UBE2G2: variants seen among roughly 807,000 people sequenced by gnomAD.
The protein encoded by UBE2G2 is ubiquitin-conjugating enzyme E2 G2.
A neutral mutation model predicts 23.0 loss-of-function variants in UBE2G2; 10 were observed. The ratio of observed to expected loss-of-function variants is 0.43; its 90% CI spans 0.27 to 0.74. UBE2G2 has a LOEUF of 0.74. Ranked by LOEUF, UBE2G2 falls within the 30% of genes least tolerant of loss-of-function variation. The pLI is 0.19. For missense variants in UBE2G2, 150 were observed against 218.3 expected, an observed-to-expected ratio of 0.69 and a Z score of 1.97; for synonymous variants, 86 against 81.3, an observed-to-expected ratio of 1.06 and a Z score of -0.31.
chr21:44,777,422 A>G lies in UBE2G2; in HGVS notation c.126-5T>C. The G allele has an allele frequency of 6.2e-7, 1 of 1,613,558 alleles. No individual in the cohort carries two copies. Among genetic ancestry groups the G allele is most frequent in the Non-Finnish European group, 8.5e-7 (1 of 1,179,506 alleles). On this transcript the variant is annotated splice_region_variant and splice_polypyrimidine_tract_variant and intron_variant, in intron 3 of 5. Transcript: ENST00000345496. ...AAGCAGGTGTCTTCTGGGCCCCTAG[A>G]AGATATAAAATACGTAGACTGAACT... is the stretch of plus-strand genomic sequence containing the variant.
chr21:44,777,206 T>C (rs868973034), intron 4 of UBE2G2, 93 bp downstream of exon 4: 11 of 1,050,390 alleles, frequency 1.0e-5, no homozygotes, highest in Middle Eastern at 2.1e-4. Flanking sequence ...ATCTACATCA[T>C]AGACATATAG....
rs984825149 is a variant in UBE2G2, at chr21:44,769,190, G to C, written c.*2187C>G. The C allele has an allele frequency of 6.6e-6, 1 of 152,118 alleles. No individual in the cohort carries two copies. The highest frequency in any genetic ancestry group is 1.5e-5 in the Non-Finnish European group (1 of 68,024). The allele number at this position is 152,118 out of a possible 1,614,324, so 9.4% of individuals were successfully genotyped here. On this transcript the variant is annotated 3_prime_UTR_variant, in exon 6 of 6. Coordinates refer to ENST00000345496, the MANE Select transcript of UBE2G2 (RefSeq NM_003343.6). ...AGAGACTGCCTCTCCTCCCTCTCCC[G>C]ATCTCACAGAAGCCTCCAGGCAATT...
chr21:44,797,631 C>T (rs1384289653), intron 1 of UBE2G2, among the ~76,000 whole-genome samples: 1 of 141,274 alleles, frequency 7.1e-6, no homozygotes, highest in Non-Finnish European at 1.5e-5. Flanking sequence ...AGGAGAATGG[C>T]ATGAACCCGG....
At chr21:44,777,591 T>C (rs1200761114) in intron 3 of UBE2G2, among the ~76,000 whole-genome samples, 174 bp from the exon 4 acceptor site, 1 of 151,942 alleles carries the variant, frequency 6.6e-6, no homozygotes, top group East Asian at 1.9e-4. Flanking sequence ...GCAGATCATC[T>C]GAGGTCAGGA....
chr21:44,794,172 T>A (rs2083067227), intron 1 of UBE2G2, among the ~76,000 whole-genome samples: 2 of 152,206 alleles, frequency 1.3e-5, no homozygotes, highest in South Asian at 2.1e-4. Flanking sequence ...CCCTGCCCTA[T>A]CCTTGATCTT....
chr21:44,773,566 C>A lies in UBE2G2; in HGVS notation c.366G>T (p.Ser122=). 1 of 1,609,842 alleles carries A rather than the reference C, an allele frequency of 6.2e-7. No individual in the cohort carries two copies. Among genetic ancestry groups the A allele is most frequent in the Non-Finnish European group, 8.5e-7 (1 of 1,179,868 alleles). ...CCTTACCTGCCAGCATGCTCACCAC[C>A]GACAGCAGGATCTTCTCCACACTCT... ...PVQSVEKILL[S]VVSMLAEPND... Residue 122 remains serine, a synonymous_variant, in exon 5 of 6, where the codon TCG becomes TCT. Coordinates refer to ENST00000345496, the MANE Select transcript of UBE2G2 (RefSeq NM_003343.6).
rs914301371 is a variant in UBE2G2, at chr21:44,772,087, G to T, written c.386-598C>A. Among the ~76,000 whole-genome samples the T allele has an allele frequency of 6.6e-6, 1 of 152,256 alleles. No individual in the cohort carries two copies. The highest frequency in any genetic ancestry group is 2.4e-5 in the African/African-American group (1 of 41,468). ...AGTAGCCAGGGCCTGCCGGAAGGCAGAACGGAGAGAGACCACCAGAACTGG... is the reference window on the plus strand; with the variant it reads ...AGTAGCCAGGGCCTGCCGGAAGGCATAACGGAGAGAGACCACCAGAACTGG... On this transcript the variant is annotated intron_variant, in intron 5 of 5. Coordinates refer to ENST00000345496, the MANE Select transcript of UBE2G2 (RefSeq NM_003343.6). This position sits in a 1 kb window ranked among gnomAD's most constrained non-coding sequence, Gnocchi z 5.4.
chr21:44,791,734 G>A (rs782291538), intron 1 of UBE2G2, among the ~76,000 whole-genome samples: 1 of 152,204 alleles, frequency 6.6e-6, no homozygotes. Context: ...CTGCCTAGTG[G>A]AGCTGTGAGA....
chr21:44,781,245 G>T (rs2146391039), intron 3 of UBE2G2, among the ~76,000 whole-genome samples: 1 of 152,294 alleles, frequency 6.6e-6, no homozygotes, highest in Non-Finnish European at 1.5e-5. Context: ...CTGCTTCATG[G>T]GCACCCTCCA....
intron 3 of UBE2G2, among the ~76,000 whole-genome samples, chr21:44,784,653 A>G (rs1161062908): frequency 6.6e-6 from 1 of 152,178 alleles, no homozygotes; most frequent in African/African-American, 2.4e-5. Flanking sequence ...ACTGGCCCCC[A>G]GTGTGAGAAG....
At chr21:44,778,952 T>C (rs1601181583) in intron 3 of UBE2G2, among the ~76,000 whole-genome samples, 1 of 152,140 alleles carries the variant, frequency 6.6e-6, no homozygotes. Flanking sequence ...AAAAAAATAA[T>C]TTAAAAAAAT....
rs1405126036 is a variant in UBE2G2, at chr21:44,797,364, C to T, written c.43+4342G>A. 2.6e-5 allele frequency among the ~76,000 whole-genome samples: 4 copies of T among 152,192 alleles called. No homozygotes were observed. In the East Asian group the frequency reaches 7.7e-4, roughly 29 times the overall value. ...GCAAGTTCAACAATGCAAAGACTGG[C>T]CTGAAGCAGCAGCCTGAACTTAATT... On this transcript the variant is annotated intron_variant, in intron 1 of 5. Coordinates refer to ENST00000345496, the MANE Select transcript of UBE2G2 (RefSeq NM_003343.6).
intron 1 of UBE2G2, among the ~76,000 whole-genome samples, chr21:44,792,921 T>TAA (rs1201046996): frequency 6.6e-6 from 1 of 152,188 alleles, no homozygotes; most frequent in Non-Finnish European, 1.5e-5. Context: ...CCAAGTGCAT[T>TAA]AAACATTTCA....
chr21:44,787,570 C>T (rs2083005765), intron 3 of UBE2G2, among the ~76,000 whole-genome samples: 1 of 152,216 alleles, frequency 6.6e-6, no homozygotes, highest in Admixed American at 6.5e-5. Flanking sequence ...AATTTCACAC[C>T]TGAAGGGGCT....
chr21:44,790,717 T>C (rs568653596), intron 1 of UBE2G2, among the ~76,000 whole-genome samples: 1 of 152,280 alleles, frequency 6.6e-6, no homozygotes, highest in Admixed American at 6.5e-5. Context: ...GAACTGTGAG[T>C]CAATTAAACC....
chr21:44,801,198 G>T, intron 1 of UBE2G2: 1 of 439,446 alleles, frequency 2.3e-6, no homozygotes, highest in Non-Finnish European at 3.0e-6. Flanking sequence ...CACTCAAGAG[G>T]TTTCCTCAAC....
rs781837592 is a variant in UBE2G2, at chr21:44,771,524, G to A, written c.386-35C>T. 3 of 1,596,332 alleles carry A rather than the reference G, an allele frequency of 1.9e-6. No individual in the cohort carries two copies. Among genetic ancestry groups the A allele is most frequent in the Middle Eastern group, 1.7e-4 (1 of 6,060 alleles). On this transcript the variant is annotated intron_variant, in intron 5 of 5. Coordinates refer to ENST00000345496, the MANE Select transcript of UBE2G2 (RefSeq NM_003343.6). This position sits in a 1 kb window ranked among gnomAD's most constrained non-coding sequence, Gnocchi z 4.6. Reference sequence around the variant, plus strand: ...AAGGGAACACCCTCCATGTAAAAGGGAGTCTTATACGTAAGCAGCCTGGCA... The same window carrying A: ...AAGGGAACACCCTCCATGTAAAAGGAAGTCTTATACGTAAGCAGCCTGGCA...
Position 44,772,233 on chromosome 21 carries a change from C to G in UBE2G2, c.386-744G>C, listed in dbSNP as rs1304044012. ...ACCCACAGCTGACATCTGAGGACAG[C>G]CTGAGCCACTGCCTCCCTCCCAATC... On this transcript the variant is annotated intron_variant, in intron 5 of 5. Transcript: ENST00000345496. This position sits in a 1 kb window ranked among gnomAD's most constrained non-coding sequence, Gnocchi z 5.4. Among the ~76,000 whole-genome samples the G allele has an allele frequency of 6.6e-6, 1 of 152,136 alleles. No individual in the cohort carries two copies. Among genetic ancestry groups the G allele is most frequent in the Non-Finnish European group, 1.5e-5 (1 of 68,000 alleles).
chr21:44,776,344 A>G (rs2082913093), intron 4 of UBE2G2, among the ~76,000 whole-genome samples: 1 of 152,138 alleles, frequency 6.6e-6, no homozygotes, highest in Non-Finnish European at 1.5e-5. Context: ...AAAGGAAAAA[A>G]AATTTCAATC....
Sources: gnomAD v4.1 joint callset for allele counts (sites outside exome capture counted in the v4.1 genomes callset) on GRCh38, gnomAD v4.1.1 for gene constraint, Gnocchi (gnomAD v3.1) non-coding constraint, MANE v1.5 for transcripts, NCBI Gene and HGNC (gene_info 2026-07-23, HGNC 2026-07-21) for gene names.